WASF3: variants seen among roughly 807,000 people sequenced by gnomAD.
The protein encoded by WASF3 is actin-binding protein WASF3.
In WASF3, 11 loss-of-function variants were observed where a neutral mutation model predicts 46.6. That is an observed-to-expected ratio of 0.24 (90% confidence interval 0.15 to 0.39). WASF3 has a LOEUF of 0.39. Among genes scored for constraint, WASF3 ranks in the 10% least tolerant of loss-of-function variants. WASF3 has a pLI of 1.00. For missense variants in WASF3, 576 were observed against 669.8 expected (o/e 0.86, Z 1.55); for synonymous variants, 242 against 259.7 (o/e 0.93, Z 0.65).
At chr13:26,599,493 A>G (rs1880584207) in intron 1 of WASF3, among the ~76,000 whole-genome samples, 1 of 152,156 alleles carries the variant, frequency 6.6e-6, no homozygotes, top group East Asian at 1.9e-4. Flanking sequence ...CTCCTGCCCT[A>G]GCACCTTGTG....
At chr13:26,635,385 G>C (rs1258559805) in intron 2 of WASF3, among the ~76,000 whole-genome samples, 1 of 152,092 alleles carries the variant, frequency 6.6e-6, no homozygotes, top group Non-Finnish European at 1.5e-5. Context: ...TTAGCCATTC[G>C]TCTAACCTTT....
chr13:26,566,887 T>C (rs1296096950), intron 1 of WASF3, among the ~76,000 whole-genome samples: 1 of 152,238 alleles, frequency 6.6e-6, no homozygotes, highest in Non-Finnish European at 1.5e-5. Flanking sequence ...AGCATCCTGG[T>C]GGCCACAGTG....
At chr13:26,547,417 C>CAG in the WASF3 span, among the ~76,000 whole-genome samples, 1 of 151,696 alleles carries the variant, frequency 6.6e-6, no homozygotes, top group Non-Finnish European at 1.5e-5. Flanking sequence ...CACACACACA[C>CAG]ACACACACAC....
intron 1 of WASF3, among the ~76,000 whole-genome samples, chr13:26,596,112 CTTTT>C (rs56150729): frequency 4.6e-4 from 48 of 105,344 alleles, no homozygotes; most frequent in Admixed American, 6.6e-4. Flanking sequence ...GTAAGTGATC[CTTTT>C]TTTTTTTTTT....
intron 1 of WASF3, among the ~76,000 whole-genome samples, chr13:26,558,470 C>A (rs923019993): frequency 4.0e-4 from 44 of 108,708 alleles, no homozygotes; most frequent in African/African-American, 1.1e-3. Context: ...TGCGGGGGAC[C>A]GCGCGCACGG....
intron 2 of WASF3, among the ~76,000 whole-genome samples, chr13:26,619,676 A>G (rs1881246618): frequency 6.6e-6 from 1 of 152,202 alleles, no homozygotes; most frequent in Non-Finnish European, 1.5e-5. Flanking sequence ...GAGTTGAAGG[A>G]CCAGACAAAA....
At chr13:26,670,528 C>T (rs1184037379) in intron 5 of WASF3, among the ~76,000 whole-genome samples, 1 of 152,064 alleles carries the variant, frequency 6.6e-6, no homozygotes, top group Non-Finnish European at 1.5e-5. Context: ...ATATTCTTGT[C>T]AAGGTTAACA....
upstream of WASF3, among the ~76,000 whole-genome samples, chr13:26,557,460 T>G (rs1879125188): frequency 6.6e-6 from 1 of 152,130 alleles, no homozygotes; most frequent in South Asian, 2.1e-4. Flanking sequence ...CTAAGCCTCA[T>G]CCCGAGCTGG....
chr13:26,566,022 T>C (rs1250539236), intron 1 of WASF3, among the ~76,000 whole-genome samples: 1 of 152,224 alleles, frequency 6.6e-6, no homozygotes, highest in Non-Finnish European at 1.5e-5. Context: ...ACAGCTGCGT[T>C]ACATTAAGCT....
At chr13:26,545,016 C>A in the WASF3 span, among the ~76,000 whole-genome samples, 1 of 152,218 alleles carries the variant, frequency 6.6e-6, no homozygotes, top group Admixed American at 6.5e-5. Context: ...TAAAAAGAGT[C>A]GTGATTGTCA....
rs759410889 is a variant in WASF3, at chr13:26,682,660, C to T, written c.1037C>T (p.Pro346Leu). The change falls in exon 9 of 10, where the codon CCG (proline) becomes CTG (leucine). Residue 346 changes from proline to leucine, a missense_variant. Physicochemically the swap from Pro to Leu is moderately conservative, Grantham distance 98. Around this residue, in one of 3 missense-constraint regions of WASF3, gnomAD observed 295 missense variants for 291.5 expected, o/e 1.01. Coordinates refer to ENST00000335327, the MANE Select transcript of WASF3 (RefSeq NM_006646.6). This position sits in a 1 kb window ranked among gnomAD's most constrained non-coding sequence, Gnocchi z 4.4. The stretch of plus-strand genomic sequence containing the variant: ...TACAACCCATCCGGACCACCTCCTC[C>T]GCCACCTCCTCCTGTGATTCCCTCA... ...EYYNPSGPPPPPPPPVIPSAQ... is the reference protein window; with the variant it reads ...EYYNPSGPPPLPPPPVIPSAQ... 1.4e-5 allele frequency: 22 copies of T among 1,614,024 alleles called. No homozygotes were observed. In the South Asian group the frequency reaches 1.4e-4, roughly 10 times the overall value.
At chr13:26,637,610 G>A (rs1012945887) in intron 2 of WASF3, among the ~76,000 whole-genome samples, 1 of 152,214 alleles carries the variant, frequency 6.6e-6, no homozygotes, top group Non-Finnish European at 1.5e-5. Flanking sequence ...TTATCCTTAT[G>A]CAGGGCATTA....
chr13:26,681,356 G>A (rs2137512453), intron 8 of WASF3, 36 bp downstream of exon 8: 1 of 1,514,228 alleles, frequency 6.6e-7, no homozygotes. Flanking sequence ...ATCCCTCCTG[G>A]CCTTGCATTT....
chr13:26,615,065 T>C (rs746738249), intron 2 of WASF3, among the ~76,000 whole-genome samples: 1 of 152,130 alleles, frequency 6.6e-6, no homozygotes, highest in Non-Finnish European at 1.5e-5. Context: ...GTTTGTATTA[T>C]GCCCATCAGA....
the WASF3 span, among the ~76,000 whole-genome samples, chr13:26,541,568 T>C: frequency 6.6e-6 from 1 of 152,160 alleles, no homozygotes; most frequent in Non-Finnish European, 1.5e-5. Flanking sequence ...CAGGCCCTAG[T>C]AGAGAACACA....
At chr13:26,591,871 G>T (rs1021962143) in intron 1 of WASF3, among the ~76,000 whole-genome samples, 1 of 152,148 alleles carries the variant, frequency 6.6e-6, no homozygotes, top group Non-Finnish European at 1.5e-5. Flanking sequence ...CTGGGCACTG[G>T]TGACTATTAC....
intron 6 of WASF3, among the ~76,000 whole-genome samples, chr13:26,672,963 T>G (rs1882964617): frequency 6.6e-6 from 1 of 152,188 alleles, no homozygotes; most frequent in African/African-American, 2.4e-5. Flanking sequence ...ACAGTCTTCT[T>G]GTGCTCATGG....
At chr13:26,646,084 A>G (rs1329909927) in intron 3 of WASF3, among the ~76,000 whole-genome samples, 2 of 152,248 alleles carry the variant, frequency 1.3e-5, no homozygotes, top group Non-Finnish European at 2.9e-5. Flanking sequence ...TCACATCAAC[A>G]TGATTATAAA....
At chr13:26,635,787 C>G (rs1194458628) in intron 2 of WASF3, among the ~76,000 whole-genome samples, 1 of 152,228 alleles carries the variant, frequency 6.6e-6, no homozygotes, top group Non-Finnish European at 1.5e-5. Context: ...GCACTCCACT[C>G]CAGACCGTGT....
Sources: allele counts gnomAD v4.1 joint callset (sites outside exome capture counted in the v4.1 genomes callset), GRCh38; gene constraint gnomAD v4.1.1; regional missense constraint gnomAD v4.1.1; non-coding constraint Gnocchi (gnomAD v3.1); transcripts MANE v1.5; gene names NCBI Gene and HGNC (gene_info 2026-07-23, HGNC 2026-07-21).